The following UBN1 variants were observed in gnomAD, a reference collection of about 807,000 sequenced individuals.
The protein encoded by UBN1 is ubinuclein 1, also known as ubinuclein-1.
UBN1 carries 17 observed loss-of-function variants against 108.5 expected under a neutral mutation model. The observed-to-expected ratio is 0.16, with a 90% CI of 0.11 to 0.24. The LOEUF is 0.24. Among genes scored for constraint, UBN1 ranks in the 10% least tolerant of loss-of-function variants. The pLI is 1.00. For missense variants in UBN1, 1,595 were observed against 1,394.4 expected (o/e 1.14, Z -2.29); for synonymous variants, 726 against 564.2 (o/e 1.29, Z -4.07).
chr16:4,855,302 T>C (rs2086750606), intron 2 of UBN1, among the ~76,000 whole-genome samples: 1 of 152,108 alleles, frequency 6.6e-6, no homozygotes, highest in Non-Finnish European at 1.5e-5. Context: ...ATTAATCTTT[T>C]TTTCCTGAGA....
chr16:4,878,280 T>G lies in UBN1; in HGVS notation c.3355+806T>G, dbSNP rs1429906741. ...TGTCTCAGCTTTGACCTAGCATTGT[T>G]CCTACTGTAGACCCGCTTCAGACAT... On this transcript the variant is annotated intron_variant, in intron 17 of 17. Coordinates refer to ENST00000262376, the MANE Select transcript of UBN1 (RefSeq NM_001079514.3). Among the ~76,000 whole-genome samples the G allele has an allele frequency of 9.9e-5, 15 of 152,118 alleles. 1 individual carries two copies. Among genetic ancestry groups the G allele is most frequent in the Admixed American group, 9.8e-4 (15 of 15,272 alleles).
intron 17 of UBN1, among the ~76,000 whole-genome samples, chr16:4,878,355 C>T (rs1451610757): frequency 5.9e-5 from 9 of 152,148 alleles, no homozygotes; most frequent in Non-Finnish European, 1.2e-4. Context: ...TGGAAGCCAG[C>T]CGAGGTAACC....
chr16:4,880,288 CTCCCATG>C lies in UBN1; in HGVS notation c.*157_*163del. 4.8e-6 allele frequency: 4 copies of C among 837,512 alleles called. No individual in the cohort carries two copies. Among genetic ancestry groups the C allele is most frequent in the Non-Finnish European group, 7.8e-6 (4 of 515,906 alleles). 51.9% of individuals were successfully genotyped at this position (837,512 alleles called of 1,614,324 possible). A position where few individuals can be genotyped will look rare whatever the true frequency, so the allele number is the denominator to read the frequency against. ...GCGCTTCTCGGCACTTCTGATGTGC[CTCCCATG>C]GAGGGAGCCGGGCCCTTGCTGCTCA... On this transcript the variant is annotated 3_prime_UTR_variant, in exon 18 of 18. Transcript: ENST00000262376.
intron 7 of UBN1, among the ~76,000 whole-genome samples, chr16:4,861,351 C>T (rs1019276471): frequency 6.6e-6 from 1 of 152,218 alleles, no homozygotes; most frequent in Non-Finnish European, 1.5e-5. Flanking sequence ...AGATTGTTCT[C>T]TTTCTGTTTT....
Position 4,874,599 on chromosome 16 carries a change from G to C in UBN1, c.2189G>C (p.Ser730Thr). The change falls in exon 15 of 18, where the codon AGC (serine) becomes ACC (threonine). Residue 730 changes from serine to threonine, a missense_variant. Physicochemically the swap from Ser to Thr is moderately conservative, Grantham distance 58. Around this residue, in one of 3 missense-constraint regions of UBN1, gnomAD observed 1,398 missense variants for 1,194.7 expected, o/e 1.17. Transcript: ENST00000262376. ...KPSPSAPPPA[S>T]SLQSPLNFLA... ...AGTCCTTCTGCTCCACCACCAGCTA[G>C]CTCTCTGCAGTCACCCCTCAATTTT... The C allele has an allele frequency of 6.2e-7, 1 of 1,614,212 alleles. No individual in the cohort carries two copies. The highest frequency in any genetic ancestry group is 1.3e-5 in the African/African-American group (1 of 75,046).
At chr16:4,864,605 G>C (rs1190358139) in intron 7 of UBN1, among the ~76,000 whole-genome samples, 1 of 152,138 alleles carries the variant, frequency 6.6e-6, no homozygotes, top group Admixed American at 6.5e-5. Context: ...TTGTTGGCAG[G>C]TACAGGTGCT....
chr16:4,877,068 C>T lies in UBN1; in HGVS notation c.3222C>T (p.Val1074=), dbSNP rs762056752. 5.6e-6 allele frequency: 9 copies of T among 1,613,956 alleles called. No homozygotes were observed. In the Admixed American group the frequency reaches 1.2e-4, roughly 21 times the overall value. ...AKAGVSKDAI[V]TGPAPGSFHH... is the part of the protein sequence containing the mutation. ...CAGGGGTCTCCAAGGATGCCATCGT[C>T]ACAGGCCCTGCCCCCGGGTCCTTCC... The change falls in exon 16 of 18, where the codon GTC becomes GTT. Residue 1074 remains valine (V), a synonymous_variant. Transcript: ENST00000262376. This position sits in a 1 kb window ranked among gnomAD's most constrained non-coding sequence, Gnocchi z 4.3.
chr16:4,863,161 G>A (rs887763429), intron 7 of UBN1, among the ~76,000 whole-genome samples: 2 of 152,192 alleles, frequency 1.3e-5, no homozygotes, highest in African/African-American at 4.8e-5. Flanking sequence ...TTATGCAGCT[G>A]TAATTATAGT....
Position 4,848,170 on chromosome 16 carries a change from C to A in UBN1, c.-80C>A, listed in dbSNP as rs1012176070. On this transcript the variant is annotated 5_prime_UTR_variant, in exon 1 of 18. Transcript: ENST00000262376. ...CCGGGGACCGGCATGAGGACCGCCG[C>A]GGGGGGACGTCTGCGGCCCGCGTCG... The A allele has an allele frequency of 3.3e-5, 5 of 152,158 alleles. No individual in the cohort carries two copies. Among genetic ancestry groups the A allele is most frequent in the Admixed American group, 1.3e-4 (2 of 15,278 alleles). The allele number at this position is 152,158 out of a possible 1,614,324, so 9.4% of individuals were successfully genotyped here.
At chr16:4,878,864 T>G (rs1001314021) in intron 17 of UBN1, among the ~76,000 whole-genome samples, 1 of 152,034 alleles carries the variant, frequency 6.6e-6, no homozygotes, top group African/African-American at 2.4e-5. Flanking sequence ...AGAAAAAAAT[T>G]AGTCAGGTGT....
At chr16:4,876,060 G>A (rs1288123411) in intron 15 of UBN1, among the ~76,000 whole-genome samples, 1 of 151,188 alleles carries the variant, frequency 6.6e-6, no homozygotes, top group African/African-American at 2.4e-5. Context: ...CCGGGTTCAC[G>A]CCATTCTCCT....
chr16:4,848,911 G>A (rs1299277939), intron 1 of UBN1, among the ~76,000 whole-genome samples: 2 of 152,110 alleles, frequency 1.3e-5, no homozygotes, highest in Admixed American at 6.5e-5. Context: ...GACCAGCCTG[G>A]CCAACACGGT....
Position 4,877,004 on chromosome 16 carries a change from T to G in UBN1, c.3158T>G (p.Val1053Gly), listed in dbSNP as rs1004983177. Residue 1053 changes from valine (V) to glycine (G), a missense_variant, in exon 16 of 18, where the codon GTC (valine) becomes GGC (glycine). Val to Gly is a moderately radical substitution (Grantham distance 109). Coordinates refer to ENST00000262376, the MANE Select transcript of UBN1 (RefSeq NM_001079514.3). The surrounding 1 kb of genome is among the most constrained non-coding windows in gnomAD (Gnocchi z 4.3). The part of the protein sequence containing the change: ...LGIITPVPIP[V>G]HVLSFSADSS... The stretch of plus-strand genomic sequence containing the variant: ...ATTATAACCCCTGTCCCTATTCCTG[T>G]CCATGTGCTCTCCTTCAGCGCTGAC... 1 of 1,614,080 alleles carries G rather than the reference T, an allele frequency of 6.2e-7. No homozygotes were observed. Among genetic ancestry groups the G allele is most frequent in the African/African-American group, 1.3e-5 (1 of 74,942 alleles).
In UBN1 at chr16:4,880,338, C is replaced by T. The variant is rs886999731; in HGVS notation, c.*206C>T. The T allele has an allele frequency of 1.7e-6, 1 of 580,334 alleles. No homozygotes were observed. The allele number at this position is 580,334 out of a possible 1,614,324, so 35.9% of individuals were successfully genotyped here. A position where few individuals can be genotyped will look rare whatever the true frequency, so the allele number is the denominator to read the frequency against. On this transcript the variant is annotated 3_prime_UTR_variant, in exon 18 of 18. Transcript: ENST00000262376. ...GCTGCTCAGGAGGTGCAGACTGCCCCGTGCTCTGGGCCTTGCAGCTCTGTC... is the reference window on the plus strand; with the variant it reads ...GCTGCTCAGGAGGTGCAGACTGCCCTGTGCTCTGGGCCTTGCAGCTCTGTC...
In UBN1 at chr16:4,875,084, G is replaced by A; in HGVS notation, c.2674G>A (p.Val892Ile). ...ALSHPAKPHS[V>I]SSAGSSYKNN... ...GAGCCATCCAGCAAAGCCACATTCA[G>A]TCAGCTCTGCAGGCTCATCTTACAA... Residue 892 changes from valine to isoleucine, a missense_variant, in exon 15 of 18, where the codon GTC (valine) becomes ATC (isoleucine). Coordinates refer to ENST00000262376, the MANE Select transcript of UBN1 (RefSeq NM_001079514.3). The A allele has an allele frequency of 6.2e-7, 1 of 1,614,102 alleles. No individual in the cohort carries two copies. The highest frequency in any genetic ancestry group is 8.5e-7 in the Non-Finnish European group (1 of 1,180,050).
intron 12 of UBN1, chr16:4,872,321 A>T: frequency 1.0e-6 from 1 of 985,418 alleles, no homozygotes; most frequent in Non-Finnish European, 1.2e-6. Flanking sequence ...AAGCATCACC[A>T]TGAGAGGTTT....
Position 4,860,905 on chromosome 16 carries a change from G to A in UBN1, c.913G>A (p.Ala305Thr). 6.2e-7 allele frequency: 1 copy of A among 1,614,258 alleles called. No homozygotes were observed. The part of the protein sequence containing the change: ...STSDNDLLQA[A>T]TAMDSLTDLD... ...TTCTGACAACGACTTGCTCCAGGCG[G>A]CCACTGCCATGGACTCGCTGACGGA... Residue 305 changes from alanine to threonine, a missense_variant, in exon 7 of 18, where the codon GCC (alanine) becomes ACC (threonine). Ala to Thr is a moderately conservative substitution (Grantham distance 58, BLOSUM62 0). Coordinates refer to ENST00000262376, the MANE Select transcript of UBN1 (RefSeq NM_001079514.3).
chr16:4,875,101 ATCT>A lies in UBN1; in HGVS notation c.2693_2695del (p.Ser898del). The A allele has an allele frequency of 6.2e-7, 1 of 1,614,196 alleles. No individual in the cohort carries two copies. The highest frequency in any genetic ancestry group is 1.1e-5 in the South Asian group (1 of 91,090). Reference sequence around the variant, plus strand: ...CACATTCAGTCAGCTCTGCAGGCTCATCTTACAAGAATAATCCCTTTGCCAGCT... The same window carrying A: ...CACATTCAGTCAGCTCTGCAGGCTCATACAAGAATAATCCCTTTGCCAGCT... On this transcript the variant is annotated inframe_deletion, in exon 15 of 18. Transcript: ENST00000262376.
intron 7 of UBN1, among the ~76,000 whole-genome samples, chr16:4,864,075 CTTTTTTTTT>C (rs796516323): frequency 1.2e-5 from 1 of 86,430 alleles, no homozygotes; most frequent in South Asian, 4.2e-4. Context: ...TTGTTGTTGC[CTTTTTTTTT>C]TTTTTTTTTT....
Sources: gnomAD v4.1 joint callset for allele counts (sites outside exome capture counted in the v4.1 genomes callset) on GRCh38, gnomAD v4.1.1 for gene constraint, gnomAD v4.1.1 regional missense constraint, Gnocchi (gnomAD v3.1) non-coding constraint, MANE v1.5 for transcripts, NCBI Gene and HGNC (gene_info 2026-07-23, HGNC 2026-07-21) for gene names.